RNF175: variants seen among roughly 807,000 people sequenced by gnomAD.
RNF175 encodes the protein ring finger protein 175.
RNF175 carries 38 observed loss-of-function variants against 50.0 expected under a neutral mutation model. The ratio of observed to expected loss-of-function variants is 0.76; its 90% CI spans 0.59 to 1.00. RNF175 has a LOEUF of 1.00. Ranked by LOEUF, RNF175 falls within the 50% of genes least tolerant of loss-of-function variation. The pLI, the probability that RNF175 is intolerant of heterozygous loss-of-function variation, is 0.00. For synonymous variants in RNF175, 155 were observed against 146.1 expected (o/e 1.06, Z -0.44); for missense variants, 388 against 409.6 (o/e 0.95, Z 0.46).
At chr4:153,756,662 A>G (rs1740581994) in intron 1 of RNF175, among the ~76,000 whole-genome samples, 1 of 152,224 alleles carries the variant, frequency 6.6e-6, no homozygotes, top group Non-Finnish European at 1.5e-5. Context: ...CCACTGGGTT[A>G]AGAGCTGGCA....
intron 3 of RNF175, among the ~76,000 whole-genome samples, chr4:153,745,452 G>A (rs1739920149): frequency 6.6e-6 from 1 of 152,224 alleles, no homozygotes; most frequent in Non-Finnish European, 1.5e-5. Flanking sequence ...GAACATGCTT[G>A]AATGAGATTG....
At chr4:153,752,943 G>T (rs11946638) in intron 1 of RNF175, among the ~76,000 whole-genome samples, 14,951 of 151,870 alleles carry the variant, frequency 0.098, 1,322 homozygotes, top group East Asian at 0.42. Context: ...TAAAAAAAAA[G>T]TAAAAATGAG....
chr4:153,740,022 C>T (rs1325397326), intron 3 of RNF175, among the ~76,000 whole-genome samples: 2 of 151,804 alleles, frequency 1.3e-5, no homozygotes, highest in Non-Finnish European at 2.9e-5. Flanking sequence ...ATATCCTGTT[C>T]TATTTTCTTT....
intron 3 of RNF175, among the ~76,000 whole-genome samples, chr4:153,733,611 G>T (rs1041183574): frequency 6.6e-6 from 1 of 152,104 alleles, no homozygotes; most frequent in Non-Finnish European, 1.5e-5. Flanking sequence ...TTAAAGAGGG[G>T]GCGATACTTT....
At chr4:153,742,957 C>A (rs1169682383) in intron 3 of RNF175, among the ~76,000 whole-genome samples, 1 of 152,030 alleles carries the variant, frequency 6.6e-6, no homozygotes, top group Non-Finnish European at 1.5e-5. Flanking sequence ...ATCTTATAAA[C>A]ATGTTCAAAG....
chr4:153,749,517 G>A (rs879463958), intron 2 of RNF175, among the ~76,000 whole-genome samples: 2 of 152,084 alleles, frequency 1.3e-5, no homozygotes, highest in African/African-American at 2.4e-5. Context: ...AGAAAGAATA[G>A]GCTTAAGTAT....
intron 3 of RNF175, among the ~76,000 whole-genome samples, chr4:153,737,432 A>C (rs1401875522): frequency 6.6e-6 from 1 of 152,000 alleles, no homozygotes; most frequent in Non-Finnish European, 1.5e-5. Context: ...CTTCTTTTCT[A>C]ATATATGCAT....
At chr4:153,751,967 C>G (rs184975120) in intron 1 of RNF175, among the ~76,000 whole-genome samples, 4 of 152,338 alleles carry the variant, frequency 2.6e-5, no homozygotes, top group Admixed American at 2.6e-4. Flanking sequence ...TGATTTGGAG[C>G]ATTCTTGTAC....
intron 5 of RNF175, among the ~76,000 whole-genome samples, chr4:153,721,172 A>C (rs1381919198): frequency 6.6e-6 from 1 of 151,154 alleles, no homozygotes; most frequent in Non-Finnish European, 1.5e-5. Context: ...TTTTTTTCTT[A>C]AGGGAAAGAT....
In RNF175 at chr4:153,710,310, A is replaced by G. The variant is rs1374151594; in HGVS notation, c.*59T>C. ...CATCTCTAAAATTAAAAAAATTAAT[A>G]TTAAATGTTGGACCAAGGATTTCAA... On this transcript the variant is annotated 3_prime_UTR_variant, in exon 9 of 9. Transcript: ENST00000347063. 1.5e-6 allele frequency: 2 copies of G among 1,352,160 alleles called. No individual in the cohort carries two copies. The highest frequency in any genetic ancestry group is 2.9e-5 in the African/African-American group (2 of 67,952). The allele number at this position is 1,352,160 out of a possible 1,614,324, so 83.8% of individuals were successfully genotyped here.
At chr4:153,738,990 C>T (rs1051239881) in intron 3 of RNF175, among the ~76,000 whole-genome samples, 1 of 152,182 alleles carries the variant, frequency 6.6e-6, no homozygotes, top group Non-Finnish European at 1.5e-5. Flanking sequence ...TTATAGGTAC[C>T]TTATAACAGA....
intron 3 of RNF175, among the ~76,000 whole-genome samples, chr4:153,733,054 T>C (rs941792521): frequency 7.2e-5 from 11 of 152,196 alleles, no homozygotes; most frequent in Non-Finnish European, 1.5e-4. Flanking sequence ...TCTTTTGCTT[T>C]AGGTATTTAT....
At chr4:153,715,491 C>T (rs1737848848) in intron 7 of RNF175, 38 bp downstream of exon 7, 2 of 1,552,444 alleles carry the variant, frequency 1.3e-6, no homozygotes, top group Non-Finnish European at 1.7e-6. Flanking sequence ...AAGAAGGAGG[C>T]TTGATGAAGC....
intron 3 of RNF175, among the ~76,000 whole-genome samples, chr4:153,735,173 T>A (rs1331343653): frequency 6.6e-6 from 1 of 152,180 alleles, no homozygotes; most frequent in Non-Finnish European, 1.5e-5. Context: ...GGCCCAAGAT[T>A]CATTTCGAAT....
intron 1 of RNF175, among the ~76,000 whole-genome samples, chr4:153,755,995 A>G (rs1740543893): frequency 6.6e-6 from 1 of 152,226 alleles, no homozygotes; most frequent in Admixed American, 6.5e-5. Context: ...ACATAAAGAG[A>G]CATCTGTAAT....
At chr4:153,757,052 C>T (rs1225061795) in intron 1 of RNF175, among the ~76,000 whole-genome samples, 1 of 152,198 alleles carries the variant, frequency 6.6e-6, no homozygotes, top group Non-Finnish European at 1.5e-5. Flanking sequence ...CCTCTCTCCA[C>T]TGCCCCTGCA....
At chr4:153,747,812 G>T (rs150222874) in intron 3 of RNF175, among the ~76,000 whole-genome samples, 1 of 152,130 alleles carries the variant, frequency 6.6e-6, no homozygotes, top group Non-Finnish European at 1.5e-5. Context: ...CCACTTCTTC[G>T]TATCAATTTT....
chr4:153,711,773 T>C (rs1737600214), intron 8 of RNF175, among the ~76,000 whole-genome samples: 1 of 152,228 alleles, frequency 6.6e-6, no homozygotes, highest in African/African-American at 2.4e-5. Context: ...AAAGTCTTTC[T>C]AGTTAGCTCC....
intron 2 of RNF175, among the ~76,000 whole-genome samples, chr4:153,749,132 C>T (rs9991334): frequency 3.1e-4 from 47 of 152,316 alleles, no homozygotes; most frequent in African/African-American, 1.1e-3. Context: ...ACCTGGGGTC[C>T]AGTCCCTGAT....
Sources: allele counts gnomAD v4.1 joint callset (sites outside exome capture counted in the v4.1 genomes callset), GRCh38; gene constraint gnomAD v4.1.1; transcripts MANE v1.5; gene names NCBI Gene and HGNC (gene_info 2026-07-23, HGNC 2026-07-21).